Variants in TRIT1 observed in about 807,000 individuals in gnomAD.
TRIT1 encodes tRNA dimethylallyltransferase.
A neutral mutation model predicts 51.2 loss-of-function variants in TRIT1; 43 were observed. That is an observed-to-expected ratio of 0.84 (90% confidence interval 0.66 to 1.08). The LOEUF (loss-of-function observed/expected upper bound fraction) is 1.08, where lower values mean the gene tolerates loss of function less well. TRIT1 is among the 50% of genes least tolerant of loss of function. The pLI is 0.00. For synonymous variants in TRIT1, 184 were observed against 203.9 expected, an observed-to-expected ratio of 0.90 and a Z score of 0.83; for missense variants, 528 against 578.4, an observed-to-expected ratio of 0.91 and a Z score of 0.89.
rs145364179 is a variant in TRIT1, at chr1:39,875,542, G to A, written c.174+7776C>T. 8.0e-4 allele frequency among the ~76,000 whole-genome samples: 122 copies of A among 151,646 alleles called. No homozygotes were observed. In the Middle Eastern group the frequency reaches 0.01, roughly 13 times the overall value. ...CCCTCTTTAAAACCTCAAACCTCATGGCATGACTTTTGAGGGCCTCAAAAA... is the reference window on the plus strand; with the variant it reads ...CCCTCTTTAAAACCTCAAACCTCATAGCATGACTTTTGAGGGCCTCAAAAA... On this transcript the variant is annotated intron_variant, in intron 1 of 10. Coordinates refer to ENST00000316891, the MANE Select transcript of TRIT1 (RefSeq NM_017646.6).
intron 1 of TRIT1, among the ~76,000 whole-genome samples, chr1:39,880,067 C>T (rs1415942378): frequency 6.8e-6 from 1 of 146,962 alleles, no homozygotes; most frequent in Non-Finnish European, 1.5e-5. Flanking sequence ...CCTAGCTGCT[C>T]GGGAGGCTGA....
chr1:39,848,178 C>A, intron 5 of TRIT1, 81 bp from the exon 6 acceptor site: 2 of 966,164 alleles, frequency 2.1e-6, no homozygotes, highest in South Asian at 1.4e-5. Context: ...AACAGGTGGT[C>A]ACAAAAAAAG....
At chr1:39,855,004 C>T (rs60378861) in intron 2 of TRIT1, among the ~76,000 whole-genome samples, 2,739 of 152,224 alleles carry the variant, frequency 0.018, 62 homozygotes, top group East Asian at 0.11. Flanking sequence ...CATGCCACCA[C>T]ATCTGGCTAA....
chr1:39,850,461 G>T (rs1333321737), intron 4 of TRIT1, among the ~76,000 whole-genome samples, 200 bp from the exon 5 acceptor site: 1 of 152,110 alleles, frequency 6.6e-6, no homozygotes, highest in Non-Finnish European at 1.5e-5. Context: ...AGGAGTTCAA[G>T]ACCAACCTAA....
In TRIT1 at chr1:39,858,889, A is replaced by G. The variant is rs141865262; in HGVS notation, c.175-1472T>C. On this transcript the variant is annotated intron_variant, in intron 1 of 10. Transcript: ENST00000316891. ...TATTCTTTTCTGTGTATCTTGAACAAGACTTCCTTCTAATGTTATACAAGG... is the reference window on the plus strand; with the variant it reads ...TATTCTTTTCTGTGTATCTTGAACAGGACTTCCTTCTAATGTTATACAAGG... Among the ~76,000 whole-genome samples, 528 of 152,304 alleles carry G rather than the reference A, an allele frequency of 3.5e-3. 1 individual carries two copies. The highest frequency in any genetic ancestry group is 0.012 in the African/African-American group (483 of 41,574).
intron 2 of TRIT1, 79 bp downstream of exon 2, chr1:39,857,198 G>A: frequency 6.7e-7 from 1 of 1,488,190 alleles, no homozygotes. Context: ...AGAAGAAATT[G>A]CCACTAGAAA....
At chr1:39,869,566 C>T (rs548385422) in intron 1 of TRIT1, among the ~76,000 whole-genome samples, 65 of 152,020 alleles carry the variant, frequency 4.3e-4, no homozygotes, top group African/African-American at 1.5e-3. Flanking sequence ...GGCCACCCAT[C>T]GTCTGGGATG....
At chr1:39,859,460 C>T (rs1643110926) in intron 1 of TRIT1, among the ~76,000 whole-genome samples, 1 of 150,264 alleles carries the variant, frequency 6.7e-6, no homozygotes, top group African/African-American at 2.4e-5. Flanking sequence ...TGACACACAC[C>T]TGTAGTTCCG....
At chr1:39,863,832 A>G (rs1337070169) in intron 1 of TRIT1, among the ~76,000 whole-genome samples, 1 of 152,200 alleles carries the variant, frequency 6.6e-6, no homozygotes, top group Non-Finnish European at 1.5e-5. Context: ...AAACAAAAAA[A>G]GAAATCCATA....
At chr1:39,865,857 A>C (rs1287330152) in intron 1 of TRIT1, among the ~76,000 whole-genome samples, 1 of 150,890 alleles carries the variant, frequency 6.6e-6, no homozygotes. Flanking sequence ...GAAAGGAAAG[A>C]AGAGAGTGAT....
rs937880048 is a variant in TRIT1, at chr1:39,880,219, A to G, written c.174+3099T>C. The stretch of plus-strand genomic sequence containing the variant: ...AAAAACAAAGTTATAGCAGTGAGCT[A>G]TGATCACACCACTGCATTCCAGCCG... On this transcript the variant is annotated intron_variant, in intron 1 of 10. Transcript: ENST00000316891. 2.7e-5 allele frequency among the ~76,000 whole-genome samples: 4 copies of G among 147,640 alleles called. No homozygotes were observed. In the Admixed American group the frequency reaches 2.7e-4, roughly 10 times the overall value.
intron 1 of TRIT1, among the ~76,000 whole-genome samples, chr1:39,872,834 A>G (rs12078644): frequency 6.8e-6 from 1 of 148,078 alleles, no homozygotes; most frequent in South Asian, 2.2e-4. Context: ...GAGGGAGGGA[A>G]GAAGGGAAGA....
intron 1 of TRIT1, among the ~76,000 whole-genome samples, chr1:39,870,844 G>C (rs1174525671): frequency 6.6e-6 from 1 of 152,126 alleles, no homozygotes; most frequent in Non-Finnish European, 1.5e-5. Flanking sequence ...GTACATGAAT[G>C]TTTACAATAG....
At chr1:39,852,095 G>A (rs897589564) in intron 4 of TRIT1, among the ~76,000 whole-genome samples, 2 of 151,992 alleles carry the variant, frequency 1.3e-5, no homozygotes, top group African/African-American at 4.8e-5. Context: ...AATATGAGAT[G>A]TTACTTTAAT....
intron 1 of TRIT1, among the ~76,000 whole-genome samples, chr1:39,879,925 C>T (rs1255751306): frequency 6.7e-6 from 1 of 150,068 alleles, no homozygotes; most frequent in East Asian, 2.0e-4. Context: ...ACCTGTAATC[C>T]CAGCATTTTG....
chr1:39,869,717 G>A (rs1232470532), intron 1 of TRIT1, among the ~76,000 whole-genome samples: 6 of 148,332 alleles, frequency 4.0e-5, no homozygotes, highest in African/African-American at 1.3e-4. Flanking sequence ...GCCCAGCCAC[G>A]ACCCCATCTG....
intron 9 of TRIT1, 45 bp from the exon 10 acceptor site, chr1:39,844,263 T>C (rs1227427367): frequency 1.4e-6 from 2 of 1,454,670 alleles, no homozygotes; most frequent in Admixed American, 3.6e-5. Flanking sequence ...CAAAGAGATC[T>C]GGATATAATT....
At chr1:39,856,238 G>A (rs914374370) in intron 2 of TRIT1, among the ~76,000 whole-genome samples, 4 of 152,130 alleles carry the variant, frequency 2.6e-5, no homozygotes, top group Admixed American at 6.5e-5. Flanking sequence ...CCTGGGAGGC[G>A]GAGATTGCAG....
Position 39,840,350 on chromosome 1 carries a change from CT to C in TRIT1, c.*1393del, listed in dbSNP as rs1332186785. 1.3e-5 allele frequency among the ~76,000 whole-genome samples: 2 copies of C among 152,202 alleles called. No homozygotes were observed. The highest frequency in any genetic ancestry group is 4.8e-5 in the African/African-American group (2 of 41,440). Reference sequence around the variant, plus strand: ...TTAGATAGTTTTTTTACTCTACCTTCTCCTCTATGAAGTCTTATATGCATAG... The same window carrying C: ...TTAGATAGTTTTTTTACTCTACCTTCCCTCTATGAAGTCTTATATGCATAG... On this transcript the variant is annotated 3_prime_UTR_variant, in exon 11 of 11. Coordinates refer to ENST00000316891, the MANE Select transcript of TRIT1 (RefSeq NM_017646.6).
Sources: gnomAD v4.1 joint callset for allele counts (sites outside exome capture counted in the v4.1 genomes callset) on GRCh38, gnomAD v4.1.1 for gene constraint, MANE v1.5 for transcripts, NCBI Gene and HGNC (gene_info 2026-07-23, HGNC 2026-07-21) for gene names.